The following CREB5 variants were observed in gnomAD, a reference collection of about 807,000 sequenced individuals.
The protein encoded by CREB5 is cyclic AMP-responsive element-binding protein 5.
Under a neutral mutation model 57.1 loss-of-function variants are expected in CREB5, and 19 were observed. That is an observed-to-expected ratio of 0.33 (90% CI 0.23 to 0.49). The LOEUF (loss-of-function observed/expected upper bound fraction) is 0.49, where lower values mean the gene tolerates loss of function less well. Ranked by LOEUF, CREB5 falls within the 20% of genes least tolerant of loss-of-function variation. The pLI is 0.99. For missense variants in CREB5, 579 were observed against 671.6 expected, an observed-to-expected ratio of 0.86 and a Z score of 1.52; for synonymous variants, 238 against 238.3, an observed-to-expected ratio of 1.00 and a Z score of 0.01.
intron 1 of CREB5, among the ~76,000 whole-genome samples, chr7:28,407,263 C>T (rs1005889203): frequency 3.9e-5 from 6 of 152,168 alleles, no homozygotes; most frequent in African/African-American, 9.7e-5. Context: ...GTTGGTCAGG[C>T]TGGTCTCGAA....
At chr7:28,392,753 A>T (rs1213696046) in intron 1 of CREB5, among the ~76,000 whole-genome samples, 1 of 152,168 alleles carries the variant, frequency 6.6e-6, no homozygotes, top group Non-Finnish European at 1.5e-5. Context: ...GATCAGGAGG[A>T]CAGAAGAGAT....
chr7:28,704,930 C>A (rs894263530), intron 5 of CREB5, among the ~76,000 whole-genome samples: 1 of 152,220 alleles, frequency 6.6e-6, no homozygotes, highest in African/African-American at 2.4e-5. Context: ...TCAGTAGACA[C>A]TCTTGCTGGT....
intron 7 of CREB5, among the ~76,000 whole-genome samples, chr7:28,736,649 C>T (rs1803995994): frequency 6.6e-6 from 1 of 152,126 alleles, no homozygotes; most frequent in Non-Finnish European, 1.5e-5. Flanking sequence ...TCAAATCTCA[C>T]ATTCTTAGTA....
chr7:28,366,380 C>A (rs1314124904), intron 1 of CREB5, among the ~76,000 whole-genome samples: 1 of 152,076 alleles, frequency 6.6e-6, no homozygotes, highest in East Asian at 1.9e-4. Context: ...AACATAGATT[C>A]TTAGGACATG....
At chr7:28,406,431 C>T (rs1211678380) in intron 1 of CREB5, among the ~76,000 whole-genome samples, 1 of 152,196 alleles carries the variant, frequency 6.6e-6, no homozygotes, top group Non-Finnish European at 1.5e-5. Context: ...AATGGTACCT[C>T]GGGGGTTGGC....
chr7:28,464,469 G>A (rs76541469), intron 1 of CREB5, among the ~76,000 whole-genome samples: 1 of 150,438 alleles, frequency 6.6e-6, no homozygotes, highest in Non-Finnish European at 1.5e-5. Context: ...AGCCATCTGG[G>A]CCTGATCTCT....
chr7:28,329,536 T>C (rs1785675014), intron 1 of CREB5, among the ~76,000 whole-genome samples: 1 of 152,252 alleles, frequency 6.6e-6, no homozygotes, highest in Non-Finnish European at 1.5e-5. Context: ...AAATGATATT[T>C]TTGACTTCTC....
At chr7:28,603,721 C>T (rs1483060671) in intron 5 of CREB5, among the ~76,000 whole-genome samples, 6 of 152,162 alleles carry the variant, frequency 3.9e-5, no homozygotes, top group African/African-American at 1.2e-4. Context: ...AAGCTTTATA[C>T]CCCTACGCTT....
At chr7:28,404,511 G>A (rs758303577) in intron 1 of CREB5, among the ~76,000 whole-genome samples, 1 of 152,126 alleles carries the variant, frequency 6.6e-6, no homozygotes, top group Non-Finnish European at 1.5e-5. Flanking sequence ...GGCATCATGA[G>A]CAAGAAACAG....
At chr7:28,806,440 T>C (rs1808737715) in intron 8 of CREB5, among the ~76,000 whole-genome samples, 1 of 152,242 alleles carries the variant, frequency 6.6e-6, no homozygotes, top group African/African-American at 2.4e-5. Context: ...AAAGTAGGAA[T>C]AGAATCCTTT....
chr7:28,534,368 C>A (rs976861844), intron 4 of CREB5, among the ~76,000 whole-genome samples: 1 of 152,216 alleles, frequency 6.6e-6, no homozygotes, highest in Admixed American at 6.5e-5. Flanking sequence ...TCCTCCCCCG[C>A]GAGCCCTCTC....
intron 9 of CREB5, among the ~76,000 whole-genome samples, chr7:28,815,962 G>T (rs190642821): frequency 1.3e-5 from 2 of 152,160 alleles, no homozygotes; most frequent in South Asian, 2.1e-4. Context: ...TACTCAGGGG[G>T]CAAGGTGTCT....
chr7:28,685,877 T>C (rs1800869099), intron 5 of CREB5: 1 of 383,014 alleles, frequency 2.6e-6, no homozygotes, highest in African/African-American at 2.1e-5. Flanking sequence ...TGGGGCTGTT[T>C]TGGTTACATT....
intron 5 of CREB5, among the ~76,000 whole-genome samples, chr7:28,708,596 G>T (rs1802245585): frequency 6.6e-6 from 1 of 152,186 alleles, no homozygotes; most frequent in Non-Finnish European, 1.5e-5. Context: ...AGATCCAATA[G>T]ATCTTTTATA....
intron 1 of CREB5, among the ~76,000 whole-genome samples, chr7:28,467,840 G>T (rs903411037): frequency 2.0e-5 from 3 of 152,156 alleles, no homozygotes; most frequent in African/African-American, 7.2e-5. Context: ...CTTCAGGATG[G>T]CCCCTAGGAT....
intron 1 of CREB5, among the ~76,000 whole-genome samples, chr7:28,303,552 G>A (rs1785137462): frequency 6.6e-6 from 1 of 152,136 alleles, no homozygotes; most frequent in South Asian, 2.1e-4. Context: ...CCTAATAAAT[G>A]CATATGTGCT....
chr7:28,519,669 C>T (rs947464142), intron 4 of CREB5, among the ~76,000 whole-genome samples: 1 of 152,176 alleles, frequency 6.6e-6, no homozygotes, highest in African/African-American at 2.4e-5. Context: ...ACTTTGACCT[C>T]ATTAAAGTAG....
At chr7:28,760,532 G>A (rs1805584235) in intron 7 of CREB5, among the ~76,000 whole-genome samples, 1 of 152,196 alleles carries the variant, frequency 6.6e-6, no homozygotes, top group Non-Finnish European at 1.5e-5. Flanking sequence ...CATAACTCAT[G>A]TAGGGCATAT....
intron 1 of CREB5, among the ~76,000 whole-genome samples, chr7:28,328,090 A>G (rs1583677609): frequency 6.6e-6 from 1 of 152,174 alleles, no homozygotes; most frequent in East Asian, 1.9e-4. Context: ...ACATGGGCCT[A>G]TCTCCTACTT....
Sources: allele counts gnomAD v4.1 joint callset (sites outside exome capture counted in the v4.1 genomes callset), GRCh38; gene constraint gnomAD v4.1.1; transcripts MANE v1.5; gene names NCBI Gene and HGNC (gene_info 2026-07-23, HGNC 2026-07-21).